The following USH2A variants were observed in gnomAD, a reference collection of about 807,000 sequenced individuals.
USH2A encodes usherin, also known as Usher syndrome 2A (autosomal recessive, mild).
A neutral mutation model predicts 538.9 loss-of-function variants in USH2A; 443 were observed. The ratio of observed to expected loss-of-function variants is 0.82; its 90% confidence interval spans 0.76 to 0.89. USH2A has a LOEUF of 0.89. Ranked by LOEUF, USH2A falls within the 40% of genes least tolerant of loss-of-function variation. The pLI, the probability that USH2A is intolerant of heterozygous loss-of-function variation, is 0.00. For synonymous variants in USH2A, 2,413 were observed against 2,273.5 expected, an observed-to-expected ratio of 1.06 and a Z score of -1.75; for missense variants, 6,633 against 6,324.8, an observed-to-expected ratio of 1.05 and a Z score of -1.65.
intron 35 of USH2A, among the ~76,000 whole-genome samples, chr1:215,971,038 T>G (rs1293399673): frequency 6.6e-6 from 1 of 152,202 alleles, no homozygotes; most frequent in Non-Finnish European, 1.5e-5. Context: ...TATTGCATCC[T>G]GTTAACTGTT....
chr1:215,812,820 A>T (rs1049763063), intron 49 of USH2A, among the ~76,000 whole-genome samples: 4 of 152,214 alleles, frequency 2.6e-5, no homozygotes, highest in Non-Finnish European at 5.9e-5. Context: ...TAGTCCTTTT[A>T]AAAAAATTGT....
At position 215,790,216 on chromosome 1, in the gene USH2A, C is replaced by T. The variant is rs1321238844; in HGVS notation, c.10025G>A (p.Gly3342Glu). The change falls in exon 51 of 72, where the codon GGA becomes GAA. Residue 3342 changes from glycine (G) to glutamate (E), a missense_variant. Gly to Glu is a moderately conservative substitution (Grantham distance 98, BLOSUM62 -2). Transcript: ENST00000307340. ...CTTTTTAATATGTGCTTTAGACTCT[C>T]CACTGGAAGCTGAGCAGCATATGGT... Reference protein sequence around the residue: ...SDTICCSASSGESKAHIKKND... With the variant: ...SDTICCSASSEESKAHIKKND... The T allele has an allele frequency of 1.2e-6, 2 of 1,614,088 alleles. No homozygotes were observed. Among genetic ancestry groups the T allele is most frequent in the Non-Finnish European group, 1.7e-6 (2 of 1,180,006 alleles).
intron 11 of USH2A, among the ~76,000 whole-genome samples, chr1:216,270,325 T>G (rs1285285843): frequency 6.6e-6 from 1 of 152,140 alleles, no homozygotes; most frequent in African/African-American, 2.4e-5. Flanking sequence ...TCCCGGAAAT[T>G]GAGTGTTAGT....
intron 17 of USH2A, 74 bp downstream of exon 17, chr1:216,199,553 C>T: frequency 6.2e-7 from 1 of 1,608,316 alleles, no homozygotes; most frequent in East Asian, 2.2e-5. Context: ...CTGCCAAATT[C>T]CTAATTGCAC....
Position 215,965,398 on chromosome 1 carries a change from C to A in USH2A, c.7039G>T (p.Val2347Leu). 1 of 1,613,882 alleles carries A rather than the reference C, an allele frequency of 6.2e-7. No individual in the cohort carries two copies. Among genetic ancestry groups the A allele is most frequent in the Non-Finnish European group, 8.5e-7 (1 of 1,179,826 alleles). The stretch of plus-strand genomic sequence containing the variant: ...GGGCGAAAAGGTGCTTCCCACCTCA[C>A]GTGGGCTTTCCGGGATCCCTGTGTT... ...VKTQGSRKAH[V>L]RWEAPFRPNG... The change falls in exon 37 of 72, where the codon GTG (valine) becomes TTG (leucine). Residue 2347 changes from valine (V) to leucine (L), a missense_variant. Physicochemically the swap from Val to Leu is conservative, Grantham distance 32. Coordinates refer to ENST00000307340, the MANE Select transcript of USH2A (RefSeq NM_206933.4).
At chr1:215,627,968 G>A (rs77434610) in intron 71 of USH2A, among the ~76,000 whole-genome samples, 4,229 of 152,256 alleles carry the variant, frequency 0.028, 129 homozygotes, top group African/African-American at 0.075. Flanking sequence ...GATAATAAAT[G>A]TTATATCACG....
At chr1:216,257,258 T>G (rs930845896) in intron 11 of USH2A, among the ~76,000 whole-genome samples, 1 of 151,918 alleles carries the variant, frequency 6.6e-6, no homozygotes, top group African/African-American at 2.4e-5. Context: ...TTGCAAATAG[T>G]TTTTATTTCA....
intron 15 of USH2A, among the ~76,000 whole-genome samples, chr1:216,211,831 C>T (rs2035247726): frequency 6.6e-6 from 1 of 151,914 alleles, no homozygotes; most frequent in African/African-American, 2.4e-5. Context: ...ACTGAAAATG[C>T]ATTTGACCCT....
intron 18 of USH2A, among the ~76,000 whole-genome samples, chr1:216,197,669 G>A (rs911274173): frequency 3.3e-5 from 5 of 152,066 alleles, no homozygotes; most frequent in African/African-American, 7.2e-5. Flanking sequence ...TAACAAAAGT[G>A]TATTTTTTTT....
chr1:215,803,050 G>A (rs887732687), intron 49 of USH2A, among the ~76,000 whole-genome samples: 3 of 152,244 alleles, frequency 2.0e-5, no homozygotes, highest in South Asian at 4.1e-4. Context: ...TATGTCAATA[G>A]ATGCAGAAAA....
At chr1:216,066,630 C>G (rs142347475) in intron 30 of USH2A, among the ~76,000 whole-genome samples, 1 of 152,052 alleles carries the variant, frequency 6.6e-6, no homozygotes, top group African/African-American at 2.4e-5. Context: ...CATATGAATT[C>G]GTTTAATCCC....
At chr1:216,367,451 C>A (rs1420426724) in intron 3 of USH2A, among the ~76,000 whole-genome samples, 9 of 152,070 alleles carry the variant, frequency 5.9e-5, no homozygotes, top group Admixed American at 5.9e-4. Context: ...TTAAGTGCAC[C>A]TTTATTTTGA....
In USH2A at chr1:216,198,478, ATGAGGAC is replaced by A. The variant is rs2034905123; in HGVS notation, c.3911_3917del (p.Ser1304IlefsTer4). 1 of 1,613,936 alleles carries A rather than the reference ATGAGGAC, an allele frequency of 6.2e-7. No homozygotes were observed. Among genetic ancestry groups the A allele is most frequent in the Non-Finnish European group, 8.5e-7 (1 of 1,179,978 alleles). ...TTTCATTGGCCGATTCTACAAATGA[ATGAGGAC>A]TGAGCCAACCACTGCTCTGAAAAAC... is the stretch of plus-strand genomic sequence containing the variant. On this transcript the variant is annotated frameshift_variant, in exon 18 of 72. Transcript: ENST00000307340. LOFTEE classifies it high-confidence loss of function.
At chr1:216,083,715 G>T in intron 25 of USH2A, 129 bp from the exon 26 acceptor site, 1 of 933,608 alleles carries the variant, frequency 1.1e-6, no homozygotes, top group Non-Finnish European at 1.6e-6. Context: ...GCAAATCAAT[G>T]TTAAGAAATT....
intron 44 of USH2A, among the ~76,000 whole-genome samples, chr1:215,860,309 A>G (rs1418363374): frequency 6.6e-6 from 1 of 152,202 alleles, no homozygotes. Flanking sequence ...TAACATCTAC[A>G]TTAGAGGTCA....
chr1:216,150,967 A>G lies in USH2A; in HGVS notation c.4627+24285T>C, dbSNP rs577919234. Reference sequence around the variant, plus strand: ...TACTGACAAACTTAAAAACATTAGCAGTAATTATTGCTTAGGAAGACACGT... The same window carrying G: ...TACTGACAAACTTAAAAACATTAGCGGTAATTATTGCTTAGGAAGACACGT... On this transcript the variant is annotated intron_variant, in intron 21 of 71. Transcript: ENST00000307340. Among the ~76,000 whole-genome samples, 158 of 152,246 alleles carry G rather than the reference A, an allele frequency of 1.0e-3. 1 individual carries two copies. The highest frequency in any genetic ancestry group is 3.7e-3 in the African/African-American group (152 of 41,546).
intron 64 of USH2A, among the ~76,000 whole-genome samples, chr1:215,658,773 C>T (rs566970374): frequency 6.2e-4 from 95 of 152,356 alleles, no homozygotes; most frequent in African/African-American, 2.3e-3. Flanking sequence ...AAGTACTACT[C>T]ATATATTTCA....
At chr1:216,094,657 T>G (rs575841470) in intron 22 of USH2A, among the ~76,000 whole-genome samples, 1 of 152,358 alleles carries the variant, frequency 6.6e-6, no homozygotes, top group East Asian at 1.9e-4. Context: ...GCTAGATTAC[T>G]TACTGAAATA....
At chr1:215,651,041 G>A (rs756362929) in intron 64 of USH2A, among the ~76,000 whole-genome samples, 4 of 152,028 alleles carry the variant, frequency 2.6e-5, no homozygotes, top group African/African-American at 7.2e-5. Context: ...AAAGGGGGCC[G>A]TTTAGGATTT....
Sources: gnomAD v4.1 joint callset for allele counts (sites outside exome capture counted in the v4.1 genomes callset) on GRCh38, gnomAD v4.1.1 for gene constraint, MANE v1.5 for transcripts, NCBI Gene and HGNC (gene_info 2026-07-23, HGNC 2026-07-21) for gene names.